The following NOA1 variants were observed in gnomAD, a reference collection of about 807,000 sequenced individuals.
NOA1 encodes nitric oxide associated 1.
NOA1 carries 35 observed loss-of-function variants against 58.4 expected under a neutral mutation model. That is an observed-to-expected ratio of 0.60 (90% CI 0.46 to 0.79). The LOEUF is 0.79. Ranked by LOEUF, NOA1 falls within the 30% of genes least tolerant of loss-of-function variation. The probability of loss-of-function intolerance (pLI) is 0.00; values close to 1 mark genes in which losing one functional copy is unlikely to be tolerated. For synonymous variants in NOA1, 397 were observed against 373.4 expected, an observed-to-expected ratio of 1.06 and a Z score of -0.73; for missense variants, 895 against 894.6, an observed-to-expected ratio of 1.00 and a Z score of -0.01.
At chr4:56,970,027 A>G (rs1295870944) in intron 3 of NOA1, among the ~76,000 whole-genome samples, 1 of 152,058 alleles carries the variant, frequency 6.6e-6, no homozygotes, top group Non-Finnish European at 1.5e-5. Flanking sequence ...CAAGTGATCC[A>G]CTTACCTTGG....
At chr4:56,964,178 C>T (rs1344597448) in intron 6 of NOA1, among the ~76,000 whole-genome samples, 1 of 151,980 alleles carries the variant, frequency 6.6e-6, no homozygotes, top group Non-Finnish European at 1.5e-5. Context: ...AGCGATTCTC[C>T]TGCCTCAGCC....
rs1347937395 is a variant in NOA1, at chr4:56,976,902, G to A, written c.684C>T (p.Asp228=). The change falls in exon 1 of 7, where the codon GAC becomes GAT. Residue 228 remains aspartate (D), a synonymous_variant. Coordinates refer to ENST00000264230, the MANE Select transcript of NOA1 (RefSeq NM_032313.4). ...LYMVDLLDLP[D]ALLPDLPALV... ...GCGCGGGCAAGTCGGGCAGCAGGGC[G>A]TCGGGCAGGTCCAGCAGGTCCACCA... The A allele has an allele frequency of 1.9e-6, 3 of 1,612,458 alleles. No individual in the cohort carries two copies. Among genetic ancestry groups the A allele is most frequent in the African/African-American group, 2.7e-5 (2 of 75,058 alleles).
At position 56,977,572 on chromosome 4, in the gene NOA1, C is replaced by A. The variant is rs775630644; in HGVS notation, c.14G>T (p.Arg5Leu). MLPARLPFRLLSLFL... is the reference protein window; with the variant it reads MLPALLPFRLLSLFL... The stretch of plus-strand genomic sequence containing the variant: ...AAGGCTCAGCAGCCTGAACGGTAGG[C>A]GAGCGGGCAGCATGAGGAAGTAGCT... The change falls in exon 1 of 7, where the codon CGC (arginine) becomes CTC (leucine). Residue 5 changes from arginine to leucine, a missense_variant. Physicochemically the swap from Arg to Leu is moderately radical, Grantham distance 102 (BLOSUM62 -2). Around this residue, in one of 3 missense-constraint regions of NOA1, gnomAD observed 680 missense variants for 656.5 expected, o/e 1.04. Transcript: ENST00000264230. The A allele has an allele frequency of 2.6e-5, 41 of 1,590,410 alleles. No individual in the cohort carries two copies. The highest frequency in any genetic ancestry group is 2.8e-5 in the Non-Finnish European group (33 of 1,167,406).
At position 56,976,910 on chromosome 4, in the gene NOA1, G is replaced by C. The variant is rs997530444; in HGVS notation, c.676C>G (p.Leu226Val). The C allele has an allele frequency of 1.3e-5, 21 of 1,611,624 alleles. No homozygotes were observed. Among genetic ancestry groups the C allele is most frequent in the Non-Finnish European group, 1.5e-5 (18 of 1,179,798 alleles). Residue 226 changes from leucine (L) to valine (V), a missense_variant, in exon 1 of 7, where the codon CTG becomes GTG. Physicochemically the swap from Leu to Val is conservative, Grantham distance 32. Transcript: ENST00000264230. ...AAGTCGGGCAGCAGGGCGTCGGGCA[G>C]GTCCAGCAGGTCCACCATGTAGAGC... ...LVLYMVDLLD[L>V]PDALLPDLPA...
intron 4 of NOA1, 34 bp downstream of exon 4, chr4:56,968,350 A>T: frequency 6.3e-7 from 1 of 1,592,460 alleles, no homozygotes; most frequent in Non-Finnish European, 8.5e-7. Flanking sequence ...CCAATATTTT[A>T]AAATCATTTT....
chr4:56,964,495 C>A lies in NOA1; in HGVS notation c.1796G>T (p.Gly599Val), dbSNP rs766465674. 1 of 1,614,052 alleles carries A rather than the reference C, an allele frequency of 6.2e-7. No individual in the cohort carries two copies. Among genetic ancestry groups the A allele is most frequent in the Non-Finnish European group, 8.5e-7 (1 of 1,179,986 alleles). The change falls in exon 6 of 7, where the codon GGA (glycine) becomes GTA (valine). Residue 599 changes from glycine (G) to valine (V), a missense_variant. Transcript: ENST00000264230. ...GTCTTCAGCAACAAGAGGAGGAAAT[C>A]CTGCCATTCGTTCTTTTCCACCCAT... ...IPMGGKERMA[G>V]FPPLVAEDIM... is the part of the protein sequence containing the mutation.
chr4:56,972,166 G>A (rs776029997), intron 3 of NOA1, among the ~76,000 whole-genome samples: 2 of 152,220 alleles, frequency 1.3e-5, no homozygotes, highest in Non-Finnish European at 1.5e-5. Flanking sequence ...GATTACAGGC[G>A]TGAGCCACTG....
Position 56,966,510 on chromosome 4 carries a change from C to A in NOA1, c.1764+110G>T. The A allele has an allele frequency of 6.0e-6, 4 of 663,384 alleles. No homozygotes were observed. In the South Asian group the frequency reaches 6.3e-5, roughly 10 times the overall value. The allele number at this position is 663,384 out of a possible 1,614,324, so 41.1% of individuals were successfully genotyped here. ...AGAGAATGAGGTGAGGGAAAGCTAG[C>A]TCAAGATATTGTATAACAGTTCTGT... is the stretch of plus-strand genomic sequence containing the variant. On this transcript the variant is annotated intron_variant, in intron 5 of 6. Transcript: ENST00000264230.
In NOA1 at chr4:56,964,386, A is replaced by G; in HGVS notation, c.1885+20T>C. Reference sequence around the variant, plus strand: ...CTGCCCTTTTATTCACTTTTTAAAAAGTGCTTGGCATAAAATTACCTGCAG... The same window carrying G: ...CTGCCCTTTTATTCACTTTTTAAAAGGTGCTTGGCATAAAATTACCTGCAG... On this transcript the variant is annotated intron_variant, in intron 6 of 6. Transcript: ENST00000264230. 4 of 1,613,634 alleles carry G rather than the reference A, an allele frequency of 2.5e-6. No homozygotes were observed. Among genetic ancestry groups the G allele is most frequent in the Non-Finnish European group, 3.4e-6 (4 of 1,179,806 alleles).
intron 4 of NOA1, among the ~76,000 whole-genome samples, chr4:56,967,368 A>C (rs908040569): frequency 6.6e-6 from 1 of 151,430 alleles, no homozygotes; most frequent in African/African-American, 2.4e-5. Flanking sequence ...CAACAGAGAG[A>C]GATGCTGTTT....
rs1721925808 is a variant in NOA1, at chr4:56,976,528, G to C, written c.1058C>G (p.Thr353Ser). The C allele has an allele frequency of 1.2e-6, 2 of 1,614,250 alleles. No individual in the cohort carries two copies. The highest frequency in any genetic ancestry group is 1.7e-6 in the Non-Finnish European group (2 of 1,180,044). Residue 353 changes from threonine to serine, a missense_variant, in exon 1 of 7, where the codon ACT (threonine) becomes AGT (serine). By Grantham distance (58) the Thr-to-Ser change is moderately conservative (BLOSUM62 1). Transcript: ENST00000264230. Reference sequence around the variant, plus strand: ...GGACTCCAGGAGCGTGTTAAAGAGAGTGGATTTGCCGGCGTTGGTGGCGCC... The same window carrying C: ...GGACTCCAGGAGCGTGTTAAAGAGACTGGATTTGCCGGCGTTGGTGGCGCC... ...LVGATNAGKS[T>S]LFNTLLESDY...
intron 1 of NOA1, among the ~76,000 whole-genome samples, chr4:56,974,630 C>T (rs1012432621): frequency 2.4e-4 from 34 of 138,990 alleles, no homozygotes; most frequent in Admixed American, 3.0e-4. Flanking sequence ...CCAACCTGGG[C>T]GACAGAGTGA....
Position 56,976,960 on chromosome 4 carries a change from A to C in NOA1, c.626T>G (p.Leu209Trp). The C allele has an allele frequency of 6.2e-7, 1 of 1,601,404 alleles. No individual in the cohort carries two copies. The highest frequency in any genetic ancestry group is 8.5e-7 in the Non-Finnish European group (1 of 1,176,840). The change falls in exon 1 of 7, where the codon TTG becomes TGG. Residue 209 changes from leucine (L) to tryptophan (W), a missense_variant. This residue lies in a region of NOA1 where 680 missense variants were observed against 656.5 expected (regional missense o/e 1.04). Transcript: ENST00000264230. ...EQYLELVSAA[L>W]RRPGPSLVLY... Reference sequence around the variant, plus strand: ...CACCAGGGAGGGGCCGGGCCGCCGCAACGCGGCGCTCACCAGCTCCAGGTA... The same window carrying C: ...CACCAGGGAGGGGCCGGGCCGCCGCCACGCGGCGCTCACCAGCTCCAGGTA...
At chr4:56,974,087 T>TTAATGATACGGCGACCTCC in intron 1 of NOA1, 65 bp from the exon 2 acceptor site, 15 of 1,060,762 alleles carry the variant, frequency 1.4e-5, no homozygotes, top group South Asian at 7.1e-5. Flanking sequence ...TGAACATTTT[T>TTAATGATACGGCGACCTCC]GAGGATCTAC....
chr4:56,973,156 C>T lies in NOA1; in HGVS notation c.1507G>A (p.Glu503Lys). ...AGAAACCAAATACATACACAATTTT[C>T]TTTTGTAATTCCAGGGGTGTCATAA... ...WFYDTPGITK[E>K]NCILNLLTEK... is the part of the protein sequence containing the mutation. The change falls in exon 3 of 7, where the codon GAA becomes AAA. Residue 503 changes from glutamate (E) to lysine (K), a missense_variant. Physicochemically the swap from Glu to Lys is moderately conservative, Grantham distance 56. Around this residue, in one of 3 missense-constraint regions of NOA1, gnomAD observed 680 missense variants for 656.5 expected, o/e 1.04. Coordinates refer to ENST00000264230, the MANE Select transcript of NOA1 (RefSeq NM_032313.4). 6.2e-7 allele frequency: 1 copy of T among 1,613,810 alleles called. No individual in the cohort carries two copies. Among genetic ancestry groups the T allele is most frequent in the Non-Finnish European group, 8.5e-7 (1 of 1,179,770 alleles).
intron 5 of NOA1, 40 bp from the exon 6 acceptor site, chr4:56,964,566 T>C (rs2109611773): frequency 1.2e-6 from 2 of 1,602,656 alleles, no homozygotes; most frequent in Non-Finnish European, 1.7e-6. Context: ...TCAAATTAAA[T>C]TTCTTGGAAC....
chr4:56,977,207 C>G lies in NOA1; in HGVS notation c.379G>C (p.Val127Leu), dbSNP rs1721961344. 7 of 1,572,558 alleles carry G rather than the reference C, an allele frequency of 4.5e-6. No homozygotes were observed. The highest frequency in any genetic ancestry group is 1.9e-5 in the Admixed American group (1 of 53,734). The change falls in exon 1 of 7, where the codon GTG becomes CTG. Residue 127 changes from valine to leucine, a missense_variant. Around this residue, in one of 3 missense-constraint regions of NOA1, gnomAD observed 680 missense variants for 656.5 expected, o/e 1.04. Transcript: ENST00000264230. ...GGCAATGCCGGGTCCGGGTGCCCCA[C>G]GACCGGGTGCTCCCGGGACCTGGCC... ...LRARSREHPV[V>L]GHPDPALPPS...
rs1182360897 is a variant in NOA1, at chr4:56,976,573, C to T, written c.1013G>A (p.Arg338His). 1.2e-6 allele frequency: 2 copies of T among 1,614,108 alleles called. No individual in the cohort carries two copies. The highest frequency in any genetic ancestry group is 1.7e-6 in the Non-Finnish European group (2 of 1,180,040). The change falls in exon 1 of 7, where the codon CGT becomes CAT. Residue 338 changes from arginine (R) to histidine (H), a missense_variant. By Grantham distance (29) the Arg-to-His change is conservative. Around this residue, in one of 3 missense-constraint regions of NOA1, gnomAD observed 680 missense variants for 656.5 expected, o/e 1.04. Transcript: ENST00000264230. ...GGCGCCCACTAAGTAGACGTCCCCA[C>T]GGTAGCGCCAGGAGCGCTGAAGGGC... ...ISALQRSWRY[R>H]GDVYLVGATN...
Position 56,976,443 on chromosome 4 carries a change from T to C in NOA1, c.1143A>G (p.Pro381=), listed in dbSNP as rs1337052418. ...AIDRATISPW[P]GTTLNLLKFP... is the part of the protein sequence containing the mutation. ...GAGGGCGAGCCTCCTAAAACTCACC[T>C]GGCCAAGGGGAGATGGTGGCTCTGT... The change falls in exon 1 of 7, where the codon CCA becomes CCG. Residue 381 remains proline (P), a splice_region_variant and synonymous_variant. Coordinates refer to ENST00000264230, the MANE Select transcript of NOA1 (RefSeq NM_032313.4). 6.2e-7 allele frequency: 1 copy of C among 1,610,820 alleles called. No individual in the cohort carries two copies. The highest frequency in any genetic ancestry group is 1.1e-5 in the South Asian group (1 of 90,976).
Sources: gnomAD v4.1 joint callset for allele counts (sites outside exome capture counted in the v4.1 genomes callset) on GRCh38, gnomAD v4.1.1 for gene constraint, gnomAD v4.1.1 regional missense constraint, MANE v1.5 for transcripts, NCBI Gene and HGNC (gene_info 2026-07-23, HGNC 2026-07-21) for gene names.